The following AAK1 variants were observed in gnomAD, a reference collection of about 807,000 sequenced individuals.
AAK1 encodes the protein AP2-associated protein kinase 1.
AAK1 carries 37 observed loss-of-function variants against 116.0 expected under a neutral mutation model. That is an observed-to-expected ratio of 0.32 (90% CI 0.25 to 0.42). The LOEUF is 0.42. Among genes scored for constraint, AAK1 ranks in the 10% least tolerant of loss-of-function variants. The probability of loss-of-function intolerance (pLI) is 1.00; values close to 1 mark genes in which losing one functional copy is unlikely to be tolerated. For synonymous variants in AAK1, 458 were observed against 439.9 expected (o/e 1.04, Z -0.51); for missense variants, 919 against 1,170.6 (o/e 0.79, Z 3.14).
intron 2 of AAK1, among the ~76,000 whole-genome samples, chr2:69,639,947 TG>T (rs1407202320): frequency 6.7e-6 from 1 of 150,342 alleles, no homozygotes; most frequent in Admixed American, 6.7e-5. Context: ...CCCCTAACAA[TG>T]GGGGAAAGGA....
intron 2 of AAK1, among the ~76,000 whole-genome samples, chr2:69,625,292 CAAG>C (rs1674844652): frequency 6.6e-6 from 1 of 152,198 alleles, no homozygotes; most frequent in African/African-American, 2.4e-5. Flanking sequence ...TGGATAGCAG[CAAG>C]AAGGACAGCT....
chr2:69,615,415 T>C (rs1674280564), intron 2 of AAK1, among the ~76,000 whole-genome samples: 1 of 152,208 alleles, frequency 6.6e-6, no homozygotes, highest in South Asian at 2.1e-4. Context: ...CATTCCCATC[T>C]ATATGACTCA....
At chr2:69,514,197 G>A (rs1320219136) in intron 13 of AAK1, among the ~76,000 whole-genome samples, 2 of 152,174 alleles carry the variant, frequency 1.3e-5, no homozygotes, top group Non-Finnish European at 2.9e-5. Context: ...CAGAGATGAT[G>A]AACAGATCTT....
rs1292092170 is a variant in AAK1, at chr2:69,478,256, G to A, written c.2680+695C>T. On this transcript the variant is annotated intron_variant, in intron 20 of 21. Coordinates refer to ENST00000409085, the MANE Select transcript of AAK1 (RefSeq NM_014911.5). Reference sequence around the variant, plus strand: ...CCATTTTACATTCTAAGGCCAACAAGCATCATATGATCATTATAGGCAGGC... The same window carrying A: ...CCATTTTACATTCTAAGGCCAACAAACATCATATGATCATTATAGGCAGGC... Among the ~76,000 whole-genome samples the A allele has an allele frequency of 2.0e-5, 3 of 152,248 alleles. No individual in the cohort carries two copies. In the East Asian group the frequency reaches 5.8e-4, roughly 29 times the overall value.
chr2:69,546,648 T>C (rs1670936455), intron 3 of AAK1, among the ~76,000 whole-genome samples: 1 of 152,168 alleles, frequency 6.6e-6, no homozygotes, highest in African/African-American at 2.4e-5. Flanking sequence ...CAACAAAATA[T>C]TGGTAGAACC....
At position 69,473,765 on chromosome 2, in the gene AAK1, T is replaced by C; in HGVS notation, c.*2104A>G. 1 of 979,508 alleles carries C rather than the reference T, an allele frequency of 1.0e-6. No individual in the cohort carries two copies. Among genetic ancestry groups the C allele is most frequent in the Non-Finnish European group, 1.2e-6 (1 of 824,186 alleles). The allele number at this position is 979,508 out of a possible 1,614,324, so 60.7% of individuals were successfully genotyped here. On this transcript the variant is annotated 3_prime_UTR_variant, in exon 22 of 22. Coordinates refer to ENST00000409085, the MANE Select transcript of AAK1 (RefSeq NM_014911.5). Reference sequence around the variant, plus strand: ...AAAATCAAATATGAAAACATAGAACTCAAACATTATTCTTATTTAAAAATA... The same window carrying C: ...AAAATCAAATATGAAAACATAGAACCCAAACATTATTCTTATTTAAAAATA...
At chr2:69,632,534 T>A (rs1158399739) in intron 2 of AAK1, among the ~76,000 whole-genome samples, 2 of 152,230 alleles carry the variant, frequency 1.3e-5, no homozygotes, top group African/African-American at 4.8e-5. Context: ...AGTTGGGAGT[T>A]GCTCAGAAGG....
At chr2:69,489,265 G>A (rs1475972941) in intron 17 of AAK1, among the ~76,000 whole-genome samples, 1 of 151,658 alleles carries the variant, frequency 6.6e-6, no homozygotes, top group Non-Finnish European at 1.5e-5. Flanking sequence ...AGCCTGGCCA[G>A]CATGGTGAAA....
Position 69,472,692 on chromosome 2 carries a change from T to C in AAK1, c.*3177A>G, listed in dbSNP as rs1276769879. The C allele has an allele frequency of 1.0e-6, 1 of 985,318 alleles. No individual in the cohort carries two copies. The highest frequency in any genetic ancestry group is 1.7e-5 in the African/African-American group (1 of 57,246). The allele number at this position is 985,318 out of a possible 1,614,324, so 61.0% of individuals were successfully genotyped here. A position where few individuals can be genotyped will look rare whatever the true frequency, so the allele number is the denominator to read the frequency against. On this transcript the variant is annotated 3_prime_UTR_variant, in exon 22 of 22. Coordinates refer to ENST00000409085, the MANE Select transcript of AAK1 (RefSeq NM_014911.5). ...CAATTTGTCATGTTTTCTGCTATAG[T>C]TACTCCTCTTACATAGCTGGAATAA...
intron 2 of AAK1, among the ~76,000 whole-genome samples, chr2:69,562,896 A>C (rs543418311): frequency 6.6e-5 from 10 of 152,018 alleles, no homozygotes; most frequent in Admixed American, 4.6e-4. Flanking sequence ...TCTCAAAAAC[A>C]AAACAAATAA....
intron 3 of AAK1, among the ~76,000 whole-genome samples, chr2:69,546,641 C>G (rs6546530): frequency 0.48 from 72,788 of 151,982 alleles, 18,359 homozygotes; most frequent in East Asian, 0.77. Context: ...AAAAAAGCAA[C>G]AAAATATTGG....
At position 69,490,690 on chromosome 2, in the gene AAK1, TAC is replaced by T. The variant is rs540127584; in HGVS notation, c.2365+5293_2365+5294del. 1.4e-4 allele frequency among the ~76,000 whole-genome samples: 21 copies of T among 152,118 alleles called. No homozygotes were observed. In the South Asian group the frequency reaches 4.2e-3, roughly 30 times the overall value. On this transcript the variant is annotated intron_variant, in intron 17 of 21. Transcript: ENST00000409085. ...AAATAGAGAGTTGTTGTTTAATGGG[TAC>T]AGAGTTTCAGTTTCACAAGTTGAAA...
intron 13 of AAK1, among the ~76,000 whole-genome samples, chr2:69,511,569 G>C (rs927446746): frequency 6.6e-6 from 1 of 152,102 alleles, no homozygotes; most frequent in African/African-American, 2.4e-5. Context: ...AGGGCTTTGA[G>C]GATACACTGA....
rs1676304273 is a variant in AAK1 at position 69,509,358 on chromosome 2, T to C, written c.1879A>G (p.Thr627Ala). The C allele has an allele frequency of 1.2e-6, 2 of 1,613,484 alleles. No homozygotes were observed. Among genetic ancestry groups the C allele is most frequent in the African/African-American group, 2.7e-5 (2 of 74,760 alleles). The change falls in exon 14 of 22, where the codon ACC becomes GCC. Residue 627 changes from threonine (T) to alanine (A), a missense_variant. Transcript: ENST00000409085. ...ATACGCCTGTGCCCAGCACGTTGGG[T>C]TTTGGGGGATGAGGGTGGAGTGAGA... ...GSLTPPSSPK[T>A]QRAGHRRILS...
In AAK1 at chr2:69,575,457, TAAAC is replaced by T. The variant is rs918239981; in HGVS notation, c.164-18483_164-18480del. 1.7e-4 allele frequency among the ~76,000 whole-genome samples: 25 copies of T among 149,368 alleles called. No individual in the cohort carries two copies. In the East Asian group the frequency reaches 3.9e-3, roughly 23 times the overall value. The stretch of plus-strand genomic sequence containing the variant: ...AAATTAGGGCAAATAAAATCCAAGA[TAAAC>T]AAATTTTTTTTTTTTTTTTTTTTTT... On this transcript the variant is annotated intron_variant, in intron 2 of 21. Coordinates refer to ENST00000409085, the MANE Select transcript of AAK1 (RefSeq NM_014911.5).
chr2:69,623,294 T>G (rs1166342857), intron 2 of AAK1, among the ~76,000 whole-genome samples: 2 of 152,174 alleles, frequency 1.3e-5, no homozygotes, highest in African/African-American at 2.4e-5. Flanking sequence ...ATTCTTGAAG[T>G]CAGTAAGACC....
intron 3 of AAK1, among the ~76,000 whole-genome samples, chr2:69,548,786 G>C (rs1345542206): frequency 2.6e-5 from 4 of 151,984 alleles, no homozygotes; most frequent in Non-Finnish European, 5.9e-5. Flanking sequence ...TGTATTTTTA[G>C]TAGAAACAGG....
chr2:69,542,739 G>A (rs764726357), intron 4 of AAK1, 74 bp from the exon 5 acceptor site: 18 of 1,527,700 alleles, frequency 1.2e-5, no homozygotes, highest in South Asian at 2.5e-5. Flanking sequence ...GAGAATGAAC[G>A]GCGTCCAAAG....
chr2:69,546,993 T>C (rs191838719), intron 3 of AAK1, among the ~76,000 whole-genome samples: 41 of 152,326 alleles, frequency 2.7e-4, no homozygotes, highest in African/African-American at 9.6e-4. Flanking sequence ...TTGAGTGGCA[T>C]CAGTACATTT....
Sources: gnomAD v4.1 joint callset for allele counts (sites outside exome capture counted in the v4.1 genomes callset) on GRCh38, gnomAD v4.1.1 for gene constraint, MANE v1.5 for transcripts, NCBI Gene and HGNC (gene_info 2026-07-23, HGNC 2026-07-21) for gene names.